The following EAF2 variants were observed in gnomAD, a reference collection of about 807,000 sequenced individuals.
The protein encoded by EAF2 is ELL associated factor 2, also known as ELL-associated factor 2.
In EAF2, 29 loss-of-function variants were observed where a neutral mutation model predicts 29.4. The ratio of observed to expected loss-of-function variants is 0.99; its 90% confidence interval spans 0.73 to 1.35. The LOEUF (loss-of-function observed/expected upper bound fraction) is 1.35, where lower values mean the gene tolerates loss of function less well. EAF2 is among the 40% of genes most tolerant of loss of function. The pLI is 0.00. For missense variants in EAF2, 292 were observed against 312.0 expected (o/e 0.94, Z 0.48); for synonymous variants, 103 against 102.5 (o/e 1.00, Z -0.03).
At chr3:121,881,866 G>T (rs1475977149) in intron 5 of EAF2, among the ~76,000 whole-genome samples, 3 of 151,932 alleles carry the variant, frequency 2.0e-5, no homozygotes, top group Admixed American at 6.6e-5. Flanking sequence ...AGGAACGGAT[G>T]GTTTTGTAGA....
At chr3:121,842,763 T>A (rs975758391) in intron 1 of EAF2, among the ~76,000 whole-genome samples, 1 of 152,214 alleles carries the variant, frequency 6.6e-6, no homozygotes, top group Non-Finnish European at 1.5e-5. Context: ...CACTGTCCTT[T>A]CAACAATTGA....
intron 4 of EAF2, among the ~76,000 whole-genome samples, chr3:121,868,794 C>T (rs1328256053): frequency 6.6e-6 from 1 of 152,172 alleles, no homozygotes; most frequent in East Asian, 1.9e-4. Flanking sequence ...ACACTCTGCT[C>T]TCAGCAACTA....
intron 1 of EAF2, among the ~76,000 whole-genome samples, chr3:121,841,484 G>C (rs1262656531): frequency 1.6e-5 from 2 of 124,940 alleles, no homozygotes; most frequent in South Asian, 2.6e-4. Context: ...CATCCTAGGC[G>C]GCAGAGGGAG....
At chr3:121,868,573 G>T (rs1402570716) in intron 4 of EAF2, among the ~76,000 whole-genome samples, 3 of 152,142 alleles carry the variant, frequency 2.0e-5, no homozygotes, top group Admixed American at 2.0e-4. Flanking sequence ...ACTGCAGCTT[G>T]GGTGACAGAG....
intron 4 of EAF2, among the ~76,000 whole-genome samples, chr3:121,857,890 A>G (rs950551180): frequency 6.6e-6 from 1 of 152,090 alleles, no homozygotes; most frequent in Non-Finnish European, 1.5e-5. Flanking sequence ...TCATTGTTCA[A>G]TTCCCACCTA....
chr3:121,841,278 CG>C (rs1465558156), intron 1 of EAF2, among the ~76,000 whole-genome samples: 1 of 150,034 alleles, frequency 6.7e-6, no homozygotes, highest in East Asian at 2.0e-4. Context: ...CGGAGGCGGG[CG>C]TATCACCTGA....
intron 4 of EAF2, among the ~76,000 whole-genome samples, chr3:121,860,365 C>T (rs992525898): frequency 6.6e-6 from 1 of 152,096 alleles, no homozygotes; most frequent in Non-Finnish European, 1.5e-5. Context: ...TTGGTCTATT[C>T]AGGGATTCAA....
intron 4 of EAF2, among the ~76,000 whole-genome samples, chr3:121,860,062 G>A (rs1020719077): frequency 6.6e-6 from 1 of 152,202 alleles, no homozygotes; most frequent in African/African-American, 2.4e-5. Context: ...TGTGCTGCTG[G>A]ATTCAATTTG....
chr3:121,880,596 GA>G (rs1452106821), intron 5 of EAF2, among the ~76,000 whole-genome samples: 7 of 152,008 alleles, frequency 4.6e-5, no homozygotes, highest in Admixed American at 2.0e-4. Context: ...CAACTTTACT[GA>G]AATTGTTTAT....
At chr3:121,840,663 C>T (rs1708402638) in intron 1 of EAF2, among the ~76,000 whole-genome samples, 1 of 150,494 alleles carries the variant, frequency 6.6e-6, no homozygotes, top group Admixed American at 6.6e-5. Context: ...AAATATTAGC[C>T]GGGAGTGGTG....
intron 5 of EAF2, among the ~76,000 whole-genome samples, chr3:121,884,724 A>G (rs13321798): frequency 0.87 from 132,109 of 152,010 alleles, 57,611 homozygotes; most frequent in East Asian, 0.92. Flanking sequence ...CGCGTGCCCG[A>G]CCTCGCAGAT....
intron 5 of EAF2, chr3:121,873,111 A>T (rs1169141511): frequency 2.4e-5 from 16 of 674,910 alleles, no homozygotes; most frequent in Non-Finnish European, 4.3e-5. Context: ...TTCTCCCTAA[A>T]TAACTTCCTC....
chr3:121,854,564 G>C (rs908348389), intron 2 of EAF2, 123 bp from the exon 3 acceptor site: 1 of 704,012 alleles, frequency 1.4e-6, no homozygotes, highest in East Asian at 3.6e-5. Context: ...AGTAAATTTA[G>C]GTAGTTTATG....
intron 2 of EAF2, among the ~76,000 whole-genome samples, chr3:121,849,199 G>A (rs965659258): frequency 1.3e-5 from 2 of 152,132 alleles, no homozygotes; most frequent in Non-Finnish European, 2.9e-5. Flanking sequence ...TGCCTAGGAA[G>A]CTTAGAGTCA....
chr3:121,868,240 CA>C (rs1174760391), intron 4 of EAF2, among the ~76,000 whole-genome samples: 4 of 152,108 alleles, frequency 2.6e-5, no homozygotes, highest in African/African-American at 9.6e-5. Context: ...AAATATATAC[CA>C]TTTAAACATT....
intron 2 of EAF2, among the ~76,000 whole-genome samples, chr3:121,848,272 C>CTTCCTT (rs1168080064): frequency 1.3e-5 from 2 of 152,110 alleles, no homozygotes; most frequent in Non-Finnish European, 2.9e-5. Flanking sequence ...GAGATGTATG[C>CTTCCTT]AGATGTGTCC....
At chr3:121,850,037 C>T (rs1559819763) in intron 2 of EAF2, among the ~76,000 whole-genome samples, 1 of 150,242 alleles carries the variant, frequency 6.7e-6, no homozygotes, top group Non-Finnish European at 1.5e-5. Flanking sequence ...GCTATCTTTA[C>T]TTTTTTTCTT....
intron 4 of EAF2, among the ~76,000 whole-genome samples, chr3:121,862,953 G>A (rs780462769): frequency 1.3e-5 from 2 of 152,196 alleles, no homozygotes; most frequent in Non-Finnish European, 2.9e-5. Flanking sequence ...GAGTTTGCTG[G>A]AGGTGCACTC....
At chr3:121,883,335 A>G (rs962478936) in intron 5 of EAF2, among the ~76,000 whole-genome samples, 3 of 152,234 alleles carry the variant, frequency 2.0e-5, no homozygotes, top group African/African-American at 7.2e-5. Flanking sequence ...AATGAGCAGC[A>G]TTGATGTTAC....
Sources: gnomAD v4.1 joint callset for allele counts (sites outside exome capture counted in the v4.1 genomes callset) on GRCh38, gnomAD v4.1.1 for gene constraint, MANE v1.5 for transcripts, NCBI Gene and HGNC (gene_info 2026-07-23, HGNC 2026-07-21) for gene names.